Variants in C11orf97 observed in about 807,000 individuals in gnomAD.
C11orf97 encodes chromosome 11 open reading frame 97.
In C11orf97, 15 loss-of-function variants were observed where a neutral mutation model predicts 16.2. The ratio of observed to expected loss-of-function variants is 0.93; its 90% CI spans 0.62 to 1.43. C11orf97 has a LOEUF of 1.43. Ranked by LOEUF, C11orf97 falls within the 40% of genes most tolerant of loss-of-function variation. The pLI, the probability that C11orf97 is intolerant of heterozygous loss-of-function variation, is 0.00. For synonymous variants in C11orf97, 61 were observed against 65.7 expected (o/e 0.93, Z 0.34); for missense variants, 171 against 161.2 (o/e 1.06, Z -0.33).
intron 2 of C11orf97, among the ~76,000 whole-genome samples, chr11:94,524,891 T>C (rs894880876): frequency 1.3e-5 from 2 of 152,008 alleles, no homozygotes; most frequent in Admixed American, 1.3e-4. Flanking sequence ...AAACCTCGTC[T>C]CTATTAAAAA....
Position 94,531,799 on chromosome 11 carries a change from G to C in C11orf97, c.377-97G>C, listed in dbSNP as rs193191243. The C allele has an allele frequency of 9.9e-6, 10 of 1,009,430 alleles. No homozygotes were observed. In the Admixed American group the frequency reaches 3.0e-4, roughly 30 times the overall value. The allele number at this position is 1,009,430 out of a possible 1,614,324, so 62.5% of individuals were successfully genotyped here. On this transcript the variant is annotated intron_variant, in intron 3 of 3. Transcript: ENST00000542198. ...GCTCTTACATTCTGCTCAATCAAATGGGAACATTAAGTCAAATTTAGATTA... is the reference window on the plus strand; with the variant it reads ...GCTCTTACATTCTGCTCAATCAAATCGGAACATTAAGTCAAATTTAGATTA...
At chr11:94,521,754 A>G (rs1947659151) in intron 2 of C11orf97, among the ~76,000 whole-genome samples, 1 of 152,194 alleles carries the variant, frequency 6.6e-6, no homozygotes, top group Admixed American at 6.5e-5. Flanking sequence ...AGAGGTGTTT[A>G]ACTTGCCCAA....
rs1591743854 is a variant in C11orf97, at chr11:94,512,497, C to T, written c.-32C>T. 2 of 1,271,352 alleles carry T rather than the reference C, an allele frequency of 1.6e-6. No homozygotes were observed. Among genetic ancestry groups the T allele is most frequent in the African/African-American group, 1.5e-5 (1 of 64,862 alleles). The allele number at this position is 1,271,352 out of a possible 1,614,324, so 78.8% of individuals were successfully genotyped here. A position where few individuals can be genotyped will look rare whatever the true frequency, so the allele number is the denominator to read the frequency against. Reference sequence around the variant, plus strand: ...CCTGCGACTGAGCTGAGAAGGAAACCGTGCCCAGGGCTCTCGGAAGACCGC... The same window carrying T: ...CCTGCGACTGAGCTGAGAAGGAAACTGTGCCCAGGGCTCTCGGAAGACCGC... On this transcript the variant is annotated 5_prime_UTR_variant, in exon 1 of 4. Transcript: ENST00000542198.
chr11:94,530,301 C>T (rs1347376362), intron 3 of C11orf97, among the ~76,000 whole-genome samples: 2 of 152,170 alleles, frequency 1.3e-5, no homozygotes, highest in Non-Finnish European at 2.9e-5. Context: ...GTTATTGACA[C>T]ATAGCTTAGC....
intron 2 of C11orf97, among the ~76,000 whole-genome samples, chr11:94,523,782 T>A (rs1947677982): frequency 6.6e-6 from 1 of 152,250 alleles, no homozygotes; most frequent in Non-Finnish European, 1.5e-5. Context: ...TTGTTCAGAC[T>A]GGGGCTCTTA....
chr11:94,522,093 T>C (rs16924603), intron 2 of C11orf97, among the ~76,000 whole-genome samples: 29,489 of 152,150 alleles, frequency 0.19, 3,186 homozygotes, highest in East Asian at 0.28. Flanking sequence ...CTTGTAATCT[T>C]GTTCCATTAG....
chr11:94,516,359 T>C (rs1031111050), intron 1 of C11orf97, among the ~76,000 whole-genome samples: 1 of 152,242 alleles, frequency 6.6e-6, no homozygotes, highest in African/African-American at 2.4e-5. Flanking sequence ...AATTGAGCTT[T>C]TGGATACTGA....
chr11:94,514,244 A>G (rs1479240605), intron 1 of C11orf97, among the ~76,000 whole-genome samples: 7 of 112,140 alleles, frequency 6.2e-5, no homozygotes, highest in Non-Finnish European at 1.5e-4. Context: ...TCTTTATTAC[A>G]TGCTAGGCAT....
At chr11:94,524,409 A>G (rs545125502) in intron 2 of C11orf97, among the ~76,000 whole-genome samples, 2 of 152,216 alleles carry the variant, frequency 1.3e-5, no homozygotes, top group Admixed American at 1.3e-4. Context: ...TTGATTTAGT[A>G]GCAAGTAGTG....
chr11:94,516,067 T>C (rs1159495476), intron 1 of C11orf97, among the ~76,000 whole-genome samples: 4 of 152,194 alleles, frequency 2.6e-5, no homozygotes, highest in Non-Finnish European at 5.9e-5. Flanking sequence ...CTTCCAACTT[T>C]GGGGAAACAA....
At chr11:94,521,963 A>G (rs1947660966) in intron 2 of C11orf97, among the ~76,000 whole-genome samples, 1 of 152,026 alleles carries the variant, frequency 6.6e-6, no homozygotes, top group Non-Finnish European at 1.5e-5. Flanking sequence ...TCCTTTCTCA[A>G]ATTCCATGAT....
At chr11:94,523,666 A>T (rs1296287661) in intron 2 of C11orf97, among the ~76,000 whole-genome samples, 1 of 152,222 alleles carries the variant, frequency 6.6e-6, no homozygotes, top group Non-Finnish European at 1.5e-5. Context: ...TTGGTAAAAA[A>T]TCAAAAGATT....
rs1947713031 is a variant in C11orf97, at chr11:94,528,132, G to A, written c.299G>A (p.Gly100Asp). 1 of 1,535,838 alleles carries A rather than the reference G, an allele frequency of 6.5e-7. No homozygotes were observed. The highest frequency in any genetic ancestry group is 1.4e-5 in the African/African-American group (1 of 73,150). Reference sequence around the variant, plus strand: ...ATTAAAAGGAATCTGCCTGTGGGAGGCTTGAAGCCAGGACTGCCGAGCAGA... The same window carrying A: ...ATTAAAAGGAATCTGCCTGTGGGAGACTTGAAGCCAGGACTGCCGAGCAGA... ...WSIKRNLPVG[G>D]LKPGLPSRNS... Residue 100 changes from glycine to aspartate, a missense_variant, in exon 3 of 4, where the codon GGC becomes GAC. Transcript: ENST00000542198.
At chr11:94,513,119 C>T (rs1947583057) in intron 1 of C11orf97, among the ~76,000 whole-genome samples, 2 of 152,272 alleles carry the variant, frequency 1.3e-5, no homozygotes, top group South Asian at 4.1e-4. Flanking sequence ...AGGAAAGAGA[C>T]TTGCCACAGC....
At chr11:94,518,968 A>T (rs2135179335) in intron 2 of C11orf97, among the ~76,000 whole-genome samples, 1 of 151,164 alleles carries the variant, frequency 6.6e-6, no homozygotes, top group East Asian at 2.0e-4. Flanking sequence ...GAGTGCAGTG[A>T]CACGATCTCT....
At chr11:94,512,749 C>T (rs1947579777) in intron 1 of C11orf97, 76 bp downstream of exon 1, 2 of 1,224,680 alleles carry the variant, frequency 1.6e-6, no homozygotes, top group Non-Finnish European at 2.0e-6. Flanking sequence ...TTGGGGGAAA[C>T]CGCAGTGGGA....
intron 2 of C11orf97, among the ~76,000 whole-genome samples, chr11:94,519,143 C>T (rs1233412331): frequency 1.3e-5 from 2 of 152,060 alleles, no homozygotes; most frequent in Admixed American, 1.3e-4. Context: ...CTCCTGACCT[C>T]GTGATCTGCC....
chr11:94,522,709 G>A lies in C11orf97; in HGVS notation c.250+5022G>A, dbSNP rs185772640. Among the ~76,000 whole-genome samples the A allele has an allele frequency of 6.6e-4, 101 of 152,278 alleles. 1 individual carries two copies. Among genetic ancestry groups the A allele is most frequent in the Non-Finnish European group, 3.1e-4 (21 of 68,004 alleles). On this transcript the variant is annotated intron_variant, in intron 2 of 3. Coordinates refer to ENST00000542198, the MANE Select transcript of C11orf97 (RefSeq NM_001190462.2). ...TCCACATCGAATTAGACTGTGAGGG[G>A]TACCTTAGTTTGGCTCAAGATCCCA...
chr11:94,517,614 G>A lies in C11orf97; in HGVS notation c.177G>A (p.Lys59=), dbSNP rs1947621730. Residue 59 remains lysine (K), a synonymous_variant, in exon 2 of 4, where the codon AAG becomes AAA. Transcript: ENST00000542198. ...AATTTTTATATTGTGAGCCACATAAGAGAATTAAGGAAGTACTGGAAGAAG... is the reference window on the plus strand; with the variant it reads ...AATTTTTATATTGTGAGCCACATAAAAGAATTAAGGAAGTACTGGAAGAAG... The part of the protein sequence containing the change: ...WKKFLYCEPH[K]RIKEVLEEER... 3.3e-6 allele frequency: 5 copies of A among 1,530,960 alleles called. No individual in the cohort carries two copies. In the South Asian group the frequency reaches 6.1e-5, roughly 19 times the overall value. 94.8% of individuals were successfully genotyped at this position (1,530,960 alleles called of 1,614,324 possible).
Sources: gnomAD v4.1 joint callset for allele counts (sites outside exome capture counted in the v4.1 genomes callset) on GRCh38, gnomAD v4.1.1 for gene constraint, MANE v1.5 for transcripts, NCBI Gene and HGNC (gene_info 2026-07-23, HGNC 2026-07-21) for gene names.